Variants in CAMK2D observed in about 807,000 individuals in gnomAD.
CAMK2D encodes calcium/calmodulin-dependent protein kinase type II subunit delta.
CAMK2D carries 37 observed loss-of-function variants against 84.0 expected under a neutral mutation model. That is an observed-to-expected ratio of 0.44 (90% confidence interval 0.34 to 0.58). The LOEUF is 0.58. Ranked by LOEUF, CAMK2D falls within the 20% of genes least tolerant of loss-of-function variation. CAMK2D has a pLI of 0.02. For synonymous variants in CAMK2D, 202 were observed against 212.5 expected (o/e 0.95, Z 0.43); for missense variants, 448 against 652.5 (o/e 0.69, Z 3.41).
intron 2 of CAMK2D, among the ~76,000 whole-genome samples, chr4:113,676,625 A>G (rs1011413830): frequency 6.6e-6 from 1 of 152,236 alleles, no homozygotes; most frequent in African/African-American, 2.4e-5. Flanking sequence ...TACTTGAAAA[A>G]CAGCAGGTAC....
chr4:113,691,528 G>A (rs147908528), intron 2 of CAMK2D, among the ~76,000 whole-genome samples: 7 of 152,076 alleles, frequency 4.6e-5, no homozygotes, highest in Admixed American at 1.3e-4. Flanking sequence ...CAAGGTGGGC[G>A]GATCACTTGA....
intron 2 of CAMK2D, among the ~76,000 whole-genome samples, chr4:113,662,547 A>G (rs575028667): frequency 5.3e-5 from 8 of 152,240 alleles, no homozygotes; most frequent in Non-Finnish European, 8.8e-5. Context: ...AGCAGTGTAT[A>G]GTGGTCATTA....
intron 4 of CAMK2D, among the ~76,000 whole-genome samples, chr4:113,561,984 G>A (rs566110304): frequency 3.9e-5 from 6 of 152,266 alleles, no homozygotes; most frequent in African/African-American, 1.4e-4. Flanking sequence ...CTGCATACAC[G>A]TGTAAACACA....
chr4:113,684,061 G>C (rs901385826), intron 2 of CAMK2D, among the ~76,000 whole-genome samples: 1 of 152,168 alleles, frequency 6.6e-6, no homozygotes, highest in Non-Finnish European at 1.5e-5. Flanking sequence ...TATATAAAAA[G>C]TTAGAACAGT....
chr4:113,701,823 C>T (rs2099418523), intron 2 of CAMK2D, among the ~76,000 whole-genome samples: 1 of 151,994 alleles, frequency 6.6e-6, no homozygotes, highest in African/African-American at 2.4e-5. Context: ...GATCCTTTTA[C>T]CTCAGCCTCT....
chr4:113,637,367 G>T (rs2099114052), intron 3 of CAMK2D, among the ~76,000 whole-genome samples: 1 of 152,060 alleles, frequency 6.6e-6, no homozygotes, highest in Admixed American at 6.6e-5. Context: ...TATTCAAAAT[G>T]GAACATATCC....
intron 4 of CAMK2D, among the ~76,000 whole-genome samples, chr4:113,589,837 A>C (rs932428311): frequency 6.6e-6 from 1 of 152,192 alleles, no homozygotes; most frequent in Non-Finnish European, 1.5e-5. Context: ...ATTCTTAAGA[A>C]GCAAGTATAA....
At chr4:113,548,601 C>G (rs903795530) in intron 5 of CAMK2D, 2 of 870,726 alleles carry the variant, frequency 2.3e-6, no homozygotes. Context: ...CTGCCCTTTC[C>G]CCAGAAAAAA....
chr4:113,709,154 G>A (rs2099477025), intron 2 of CAMK2D, among the ~76,000 whole-genome samples: 1 of 152,038 alleles, frequency 6.6e-6, no homozygotes, highest in Non-Finnish European at 1.5e-5. Flanking sequence ...TAGTTTTTAA[G>A]AATAAATCAC....
intron 13 of CAMK2D, among the ~76,000 whole-genome samples, chr4:113,508,823 G>A (rs562013716): frequency 6.8e-4 from 103 of 152,198 alleles, no homozygotes; most frequent in Non-Finnish European, 1.3e-3. Context: ...AAATTCAAAT[G>A]TTAGAAAATT....
intron 2 of CAMK2D, among the ~76,000 whole-genome samples, chr4:113,693,675 C>A (rs1225334241): frequency 6.6e-6 from 1 of 152,098 alleles, no homozygotes; most frequent in East Asian, 1.9e-4. Flanking sequence ...GACCTAATAA[C>A]TTAAAAGATC....
intron 4 of CAMK2D, among the ~76,000 whole-genome samples, chr4:113,580,806 G>A (rs374841022): frequency 6.6e-6 from 1 of 151,354 alleles, no homozygotes; most frequent in South Asian, 2.1e-4. Flanking sequence ...ACATATTTAA[G>A]CACTTAATTC....
At chr4:113,582,579 TACTG>T (rs35309403) in intron 4 of CAMK2D, among the ~76,000 whole-genome samples, 94,091 of 151,920 alleles carry the variant, frequency 0.62, 29,927 homozygotes, top group Middle Eastern at 0.73. Context: ...AAGCTGCTCT[TACTG>T]AGGAACTTTC....
At chr4:113,720,120 A>C (rs565204464) in intron 2 of CAMK2D, among the ~76,000 whole-genome samples, 155 of 152,210 alleles carry the variant, frequency 1.0e-3, no homozygotes, top group African/African-American at 3.7e-3. Context: ...GTTGCTATCA[A>C]CAGTTCTCAG....
intron 2 of CAMK2D, among the ~76,000 whole-genome samples, chr4:113,681,856 C>T (rs1438439846): frequency 6.6e-6 from 1 of 151,370 alleles, no homozygotes; most frequent in Middle Eastern, 3.2e-3. Flanking sequence ...ATGCCAGTAA[C>T]ATATTCAATT....
intron 2 of CAMK2D, among the ~76,000 whole-genome samples, chr4:113,670,140 G>A (rs1380815038): frequency 6.6e-6 from 1 of 152,030 alleles, no homozygotes; most frequent in African/African-American, 2.4e-5. Flanking sequence ...AAAATAGCTG[G>A]GCATGGTAGC....
At chr4:113,718,313 G>T (rs1049115440) in intron 2 of CAMK2D, among the ~76,000 whole-genome samples, 1 of 152,154 alleles carries the variant, frequency 6.6e-6, no homozygotes, top group Non-Finnish European at 1.5e-5. Flanking sequence ...CAGAAAGTGG[G>T]AAGTGCTGAT....
At chr4:113,590,733 C>T (rs2098870193) in intron 4 of CAMK2D, among the ~76,000 whole-genome samples, 1 of 104,180 alleles carries the variant, frequency 9.6e-6, no homozygotes, top group Admixed American at 1.0e-4. Flanking sequence ...ATTTCTCTTT[C>T]ATATATTCTT....
intron 4 of CAMK2D, among the ~76,000 whole-genome samples, chr4:113,570,829 AAAAGG>A (rs1337632578): frequency 1.3e-5 from 2 of 152,122 alleles, no homozygotes; most frequent in African/African-American, 2.4e-5. Flanking sequence ...TTCTGCTCAA[AAAAGG>A]AAACAATCAA....
Sources: allele counts gnomAD v4.1 joint callset (sites outside exome capture counted in the v4.1 genomes callset), GRCh38; gene constraint gnomAD v4.1.1; transcripts MANE v1.5; gene names NCBI Gene and HGNC (gene_info 2026-07-23, HGNC 2026-07-21).